GPC5: variants seen among roughly 807,000 people sequenced by gnomAD.
The protein encoded by GPC5 is glypican 5.
In GPC5, 47 loss-of-function variants were observed where a neutral mutation model predicts 53.9. The ratio of observed to expected loss-of-function variants is 0.87; its 90% CI spans 0.69 to 1.11. GPC5 has a LOEUF of 1.11. Ranked by LOEUF, GPC5 falls within the 50% of genes most tolerant of loss-of-function variation. The pLI is 0.00. For synonymous variants in GPC5, 286 were observed against 263.3 expected (o/e 1.09, Z -0.84); for missense variants, 748 against 713.1 (o/e 1.05, Z -0.56).
intron 7 of GPC5, among the ~76,000 whole-genome samples, chr13:92,838,500 GA>G (rs1432666973): frequency 7.0e-6 from 1 of 143,622 alleles, no homozygotes; most frequent in South Asian, 2.3e-4. Flanking sequence ...AAAAAAAAAA[GA>G]AAAAAAAGAA....
At chr13:92,802,045 A>G (rs1345106357) in intron 7 of GPC5, among the ~76,000 whole-genome samples, 1 of 151,852 alleles carries the variant, frequency 6.6e-6, no homozygotes, top group Non-Finnish European at 1.5e-5. Context: ...CTAGGCTTTC[A>G]CATTCATTCA....
intron 2 of GPC5, among the ~76,000 whole-genome samples, chr13:91,539,342 A>C (rs2138730909): frequency 6.6e-6 from 1 of 152,286 alleles, no homozygotes; most frequent in African/African-American, 2.4e-5. Context: ...CAAGTGCAGA[A>C]ACTGAAGGTC....
chr13:92,109,417 A>T (rs1426305115), intron 6 of GPC5, among the ~76,000 whole-genome samples: 1 of 152,118 alleles, frequency 6.6e-6, no homozygotes, highest in Non-Finnish European at 1.5e-5. Flanking sequence ...TGTCTCACTG[A>T]AACTGTTGTG....
At chr13:92,496,062 T>A (rs1566616079) in intron 7 of GPC5, among the ~76,000 whole-genome samples, 1 of 152,150 alleles carries the variant, frequency 6.6e-6, no homozygotes, top group East Asian at 1.9e-4. Flanking sequence ...GTTATGGTTT[T>A]CCCACAATGG....
chr13:92,313,801 G>T (rs2043161017), intron 7 of GPC5, among the ~76,000 whole-genome samples: 1 of 152,130 alleles, frequency 6.6e-6, no homozygotes, highest in South Asian at 2.1e-4. Context: ...CCAGGAAGGG[G>T]TCCTGTTTAG....
chr13:92,758,455 C>T (rs1040316513), intron 7 of GPC5, among the ~76,000 whole-genome samples: 1 of 151,588 alleles, frequency 6.6e-6, no homozygotes, highest in Non-Finnish European at 1.5e-5. Flanking sequence ...TGCACATGTA[C>T]CCTAAAACTT....
intron 5 of GPC5, among the ~76,000 whole-genome samples, chr13:91,770,398 G>A (rs1329859256): frequency 6.6e-6 from 1 of 152,054 alleles, no homozygotes; most frequent in African/African-American, 2.4e-5. Flanking sequence ...TCTCCTCTCT[G>A]GAGAATGGAA....
intron 6 of GPC5, among the ~76,000 whole-genome samples, chr13:92,069,412 G>A (rs1357081749): frequency 2.0e-5 from 1 of 48,784 alleles, no homozygotes; most frequent in Non-Finnish European, 5.2e-5. Flanking sequence ...GCGTGCATGT[G>A]TGTGTGTGTG....
intron 6 of GPC5, among the ~76,000 whole-genome samples, chr13:91,961,432 C>A (rs1373716287): frequency 1.3e-5 from 2 of 151,900 alleles, no homozygotes; most frequent in Non-Finnish European, 2.9e-5. Context: ...ACTGACAATA[C>A]CAACTGTCAT....
At chr13:91,976,666 G>T (rs769743494) in intron 6 of GPC5, among the ~76,000 whole-genome samples, 18 of 152,160 alleles carry the variant, frequency 1.2e-4, no homozygotes, top group Non-Finnish European at 1.6e-4. Context: ...GCGAGTTTCA[G>T]TTCCTTGATA....
At chr13:91,770,637 T>A (rs1399371414) in intron 5 of GPC5, among the ~76,000 whole-genome samples, 1 of 151,670 alleles carries the variant, frequency 6.6e-6, no homozygotes, top group Admixed American at 6.6e-5. Context: ...GACCAAATAT[T>A]AGACCTGAAA....
chr13:91,972,983 C>T lies in GPC5; in HGVS notation c.1401+64926C>T, dbSNP rs546387220. Reference sequence around the variant, plus strand: ...TCTCGAGGAGTATCTTTGTGGCGTTCTCTGTATTTCCTGAATCTGAATGTT... The same window carrying T: ...TCTCGAGGAGTATCTTTGTGGCGTTTTCTGTATTTCCTGAATCTGAATGTT... On this transcript the variant is annotated intron_variant, in intron 6 of 7. Transcript: ENST00000377067. Among the ~76,000 whole-genome samples the T allele has an allele frequency of 1.1e-3, 168 of 152,146 alleles. 2 individuals are homozygous for T. Among genetic ancestry groups the T allele is most frequent in the African/African-American group, 3.9e-3 (160 of 41,494 alleles).
chr13:91,423,835 G>T (rs554273280), intron 1 of GPC5, among the ~76,000 whole-genome samples: 1 of 152,062 alleles, frequency 6.6e-6, no homozygotes, highest in Non-Finnish European at 1.5e-5. Context: ...TGCTCACATT[G>T]TAGCCCACAA....
chr13:91,887,618 C>T (rs1482695189), intron 5 of GPC5, among the ~76,000 whole-genome samples: 1 of 152,130 alleles, frequency 6.6e-6, no homozygotes, highest in Non-Finnish European at 1.5e-5. Flanking sequence ...TTTCTTTCAC[C>T]AGATACCCTA....
rs564306921 is a variant in GPC5, at chr13:91,876,225, A to C, written c.1281-31712A>C. Among the ~76,000 whole-genome samples, 8 of 152,312 alleles carry C rather than the reference A, an allele frequency of 5.3e-5. No homozygotes were observed. In the South Asian group the frequency reaches 1.7e-3, roughly 32 times the overall value. On this transcript the variant is annotated intron_variant, in intron 5 of 7. Coordinates refer to ENST00000377067, the MANE Select transcript of GPC5 (RefSeq NM_004466.6). ...AGCGTGAAAACAGACTAATACAGTA[A>C]ATTGGTACCAATAGAGTGGGGCATT...
chr13:92,218,159 C>T (rs1381516132), intron 7 of GPC5, among the ~76,000 whole-genome samples: 1 of 151,934 alleles, frequency 6.6e-6, no homozygotes, highest in African/African-American at 2.4e-5. Flanking sequence ...AACTCCTGGC[C>T]TCAAGCAATC....
At chr13:91,421,333 A>G (rs1034459289) in intron 1 of GPC5, among the ~76,000 whole-genome samples, 2 of 152,172 alleles carry the variant, frequency 1.3e-5, no homozygotes, top group African/African-American at 2.4e-5. Flanking sequence ...CTGTGCTGAC[A>G]TGCCTCTTCA....
intron 2 of GPC5, among the ~76,000 whole-genome samples, chr13:91,569,503 G>A (rs977544872): frequency 2.0e-5 from 3 of 151,914 alleles, no homozygotes; most frequent in East Asian, 1.9e-4. Flanking sequence ...TAACATTTTT[G>A]TTCTCCCTAG....
In GPC5 at chr13:92,467,690, T is replaced by C. The variant is rs148097733; in HGVS notation, c.1561+322701T>C. ...TGTAAAAGAGGCAACACTCTGACTC[T>C]AGAGTCGTATTTTTAACTGCTGGGC... On this transcript the variant is annotated intron_variant, in intron 7 of 7. Coordinates refer to ENST00000377067, the MANE Select transcript of GPC5 (RefSeq NM_004466.6). Among the ~76,000 whole-genome samples the C allele has an allele frequency of 1.8e-4, 28 of 152,256 alleles. No homozygotes were observed. In the East Asian group the frequency reaches 5.2e-3, roughly 28 times the overall value.
Sources: gnomAD v4.1 joint callset for allele counts (sites outside exome capture counted in the v4.1 genomes callset) on GRCh38, gnomAD v4.1.1 for gene constraint, MANE v1.5 for transcripts, NCBI Gene and HGNC (gene_info 2026-07-23, HGNC 2026-07-21) for gene names.